Variants in ECPAS observed in about 807,000 individuals in gnomAD.
The protein encoded by ECPAS is Ecm29 proteasome adaptor and scaffold, also known as proteasome adapter and scaffold protein ECM29.
In ECPAS, 70 loss-of-function variants were observed where a neutral mutation model predicts 255.1. The ratio of observed to expected loss-of-function variants is 0.27; its 90% confidence interval spans 0.23 to 0.33. ECPAS has a LOEUF of 0.33. ECPAS is among the 10% of genes least tolerant of loss of function. The pLI, the probability that ECPAS is intolerant of heterozygous loss-of-function variation, is 1.00. For synonymous variants in ECPAS, 784 were observed against 775.0 expected (o/e 1.01, Z -0.19); for missense variants, 1,817 against 2,206.4 (o/e 0.82, Z 3.54).
intron 1 of ECPAS, among the ~76,000 whole-genome samples, chr9:111,477,818 TCAAA>T (rs2098298316): frequency 6.6e-6 from 1 of 151,720 alleles, no homozygotes; most frequent in Admixed American, 6.6e-5. Context: ...AATCACTGAC[TCAAA>T]CATGAGGTTT....
At chr9:111,440,752 T>G (rs2098244701) in intron 5 of ECPAS, among the ~76,000 whole-genome samples, 1 of 152,228 alleles carries the variant, frequency 6.6e-6, no homozygotes, top group Admixed American at 6.5e-5. Context: ...ATCTGGCTCA[T>G]GACTAAAATT....
intron 25 of ECPAS, 121 bp downstream of exon 25, chr9:111,396,909 A>C (rs1275682078): frequency 1.1e-5 from 15 of 1,306,984 alleles, no homozygotes; most frequent in Admixed American, 1.9e-5. Context: ...AATTGGTAAA[A>C]CAGATATAAA....
At chr9:111,416,806 AAGGT>A (rs2098204317) in intron 17 of ECPAS, among the ~76,000 whole-genome samples, 1 of 152,142 alleles carries the variant, frequency 6.6e-6, no homozygotes, top group South Asian at 2.1e-4. Flanking sequence ...GTGGAGGTAA[AAGGT>A]AGGAAGGTGT....
chr9:111,373,626 C>G (rs1002042314), intron 39 of ECPAS, among the ~76,000 whole-genome samples: 1 of 151,912 alleles, frequency 6.6e-6, no homozygotes, highest in Non-Finnish European at 1.5e-5. Context: ...AAAATAAGAA[C>G]GAGGTATATA....
At chr9:111,412,221 A>T in intron 20 of ECPAS, 73 bp from the exon 21 acceptor site, 3 of 1,285,650 alleles carry the variant, frequency 2.3e-6, no homozygotes, top group Non-Finnish European at 3.1e-6. Context: ...ATCTTTTAAA[A>T]TTAAAAGAAC....
chr9:111,439,342 C>A (rs1412180626), intron 6 of ECPAS, among the ~76,000 whole-genome samples: 1 of 151,946 alleles, frequency 6.6e-6, no homozygotes, highest in Non-Finnish European at 1.5e-5. Context: ...GATCATAGCT[C>A]ACTACAGCCT....
At chr9:111,443,814 T>A (rs1266151845) in intron 4 of ECPAS, among the ~76,000 whole-genome samples, 1 of 152,094 alleles carries the variant, frequency 6.6e-6, no homozygotes, top group African/African-American at 2.4e-5. Flanking sequence ...AAAAAAAACA[T>A]CACCTGCCAT....
intron 2 of ECPAS, among the ~76,000 whole-genome samples, chr9:111,468,684 T>G (rs548128601): frequency 7.6e-6 from 1 of 131,852 alleles, no homozygotes; most frequent in African/African-American, 2.6e-5. Flanking sequence ...ATGTCCAAGC[T>G]CAAACGTGTG....
rs540896167 is a variant in ECPAS at position 111,389,626 on chromosome 9, A to C, written c.3377T>G (p.Phe1126Cys). The change falls in exon 31 of 50, where the codon TTT becomes TGT. Residue 1126 changes from phenylalanine (F) to cysteine (C), a missense_variant. By Grantham distance (205) the Phe-to-Cys change is radical (BLOSUM62 -2). Coordinates refer to ENST00000684092, the MANE Select transcript of ECPAS (RefSeq NM_001364929.1). The stretch of plus-strand genomic sequence containing the variant: ...CTGTCGAATGCCAAGGTTGGGATCA[A>C]ACTGGTAACGATAAAGTCGAGGAAC... ...QLVPRLYRYQ[F>C]DPNLGIRQAM... 2 of 1,613,996 alleles carry C rather than the reference A, an allele frequency of 1.2e-6. No homozygotes were observed. Among genetic ancestry groups the C allele is most frequent in the Non-Finnish European group, 1.7e-6 (2 of 1,179,854 alleles).
intron 12 of ECPAS, among the ~76,000 whole-genome samples, chr9:111,423,494 C>T (rs1005893740): frequency 6.6e-6 from 1 of 152,164 alleles, no homozygotes; most frequent in Non-Finnish European, 1.5e-5. Flanking sequence ...CCCAATCGCT[C>T]CAAAAAGAAA....
At chr9:111,364,206 T>C (rs1030724188) in intron 48 of ECPAS, among the ~76,000 whole-genome samples, 10 of 152,224 alleles carry the variant, frequency 6.6e-5, no homozygotes, top group African/African-American at 2.4e-4. Flanking sequence ...CATGGTGAAA[T>C]TGTCTACCAA....
At chr9:111,384,651 CA>C in intron 33 of ECPAS, 82 bp from the exon 34 acceptor site, 2 of 1,201,048 alleles carry the variant, frequency 1.7e-6, no homozygotes, top group Non-Finnish European at 2.5e-6. Context: ...TTAATTGCCT[CA>C]GGCCCTACAG....
chr9:111,415,626 G>C (rs2098202157), intron 18 of ECPAS, among the ~76,000 whole-genome samples: 1 of 151,588 alleles, frequency 6.6e-6, no homozygotes. Flanking sequence ...CTTGAGCCCA[G>C]GAGGCAAGGT....
At chr9:111,392,730 C>A in intron 28 of ECPAS, 38 bp downstream of exon 28, 1 of 1,396,422 alleles carries the variant, frequency 7.2e-7, no homozygotes. Context: ...GAGACTTCCT[C>A]TATGGGCTTG....
intron 31 of ECPAS, among the ~76,000 whole-genome samples, chr9:111,387,059 C>T (rs560362013): frequency 1.3e-5 from 2 of 152,348 alleles, no homozygotes; most frequent in East Asian, 1.9e-4. Flanking sequence ...TCTCACTCAT[C>T]GTCAGTGCAG....
intron 3 of ECPAS, among the ~76,000 whole-genome samples, chr9:111,450,368 G>A (rs558059920): frequency 7.9e-5 from 12 of 152,158 alleles, no homozygotes; most frequent in Non-Finnish European, 1.6e-4. Flanking sequence ...CCAAATATAT[G>A]ACAAGAATGC....
intron 2 of ECPAS, among the ~76,000 whole-genome samples, chr9:111,454,724 T>TA (rs1554799219): frequency 4.0e-5 from 6 of 151,698 alleles, no homozygotes; most frequent in African/African-American, 9.7e-5. Context: ...TTTTTTTTTT[T>TA]AAATAAGACA....
At chr9:111,411,185 A>G in intron 21 of ECPAS, 43 bp from the exon 22 acceptor site, 1 of 1,596,152 alleles carries the variant, frequency 6.3e-7, no homozygotes, top group Non-Finnish European at 8.6e-7. Flanking sequence ...GCTCTCTCTC[A>G]TATACGCAAG....
rs767945513 is a variant in ECPAS, at chr9:111,414,546, T to G, written c.1870A>C (p.Ile624Leu). ...TGCCCGCTTGACATTAAAGTCCGTA[T>G]GTAGCGCCCAATGGCTGGGGCATGA... is the stretch of plus-strand genomic sequence containing the variant. ...QDHAPAIGRY[I>L]RTLMSSGQMA... The change falls in exon 19 of 50, where the codon ATA becomes CTA. Residue 624 changes from isoleucine (I) to leucine (L), a missense_variant. Transcript: ENST00000684092. 6.2e-7 allele frequency: 1 copy of G among 1,614,012 alleles called. No homozygotes were observed. Among genetic ancestry groups the G allele is most frequent in the South Asian group, 1.1e-5 (1 of 91,090 alleles).
Sources: gnomAD v4.1 joint callset for allele counts (sites outside exome capture counted in the v4.1 genomes callset) on GRCh38, gnomAD v4.1.1 for gene constraint, MANE v1.5 for transcripts, NCBI Gene and HGNC (gene_info 2026-07-23, HGNC 2026-07-21) for gene names.